Variants in SIGLEC10 observed in about 807,000 individuals in gnomAD.
SIGLEC10 encodes the protein sialic acid-binding Ig-like lectin 10.
Under a neutral mutation model 68.3 loss-of-function variants are expected in SIGLEC10, and 45 were observed. The ratio of observed to expected loss-of-function variants is 0.66; its 90% CI spans 0.52 to 0.84. The LOEUF (loss-of-function observed/expected upper bound fraction) is 0.84. SIGLEC10 is among the 40% of genes least tolerant of loss of function. The pLI is 0.00. For missense variants in SIGLEC10, 789 were observed against 883.1 expected, an observed-to-expected ratio of 0.89 and a Z score of 1.35; for synonymous variants, 379 against 370.8, an observed-to-expected ratio of 1.02 and a Z score of -0.26.
Position 51,410,990 on chromosome 19 carries a change from G to A in SIGLEC10, c.*109C>T, listed in dbSNP as rs1987944204. 5 of 1,218,000 alleles carry A rather than the reference G, an allele frequency of 4.1e-6. No individual in the cohort carries two copies. The highest frequency in any genetic ancestry group is 4.6e-6 in the Non-Finnish European group (4 of 876,570). The allele number at this position is 1,218,000 out of a possible 1,614,324, so 75.4% of individuals were successfully genotyped here. A position where few individuals can be genotyped will look rare whatever the true frequency, so the allele number is the denominator to read the frequency against. On this transcript the variant is annotated 3_prime_UTR_variant, in exon 11 of 11. Transcript: ENST00000339313. ...AGAGAGAGAAAGAGAGAGAGAGAGA[G>A]AAAGAGAGAGAGAGAGGGAGAGAAG...
Position 51,411,159 on chromosome 19 carries a change from C to T in SIGLEC10, c.2034G>A (p.Arg678=). 6.2e-7 allele frequency: 1 copy of T among 1,614,214 alleles called. No homozygotes were observed. ...TGCCCTTGGGCATCCGGGCCTCAGG[C>T]CTGGGTCTGACGCCTGGGAAGTTGA... The part of the protein sequence containing the change: ...ATLNFPGVRP[R]PEARMPKGTQ... The change falls in exon 11 of 11, where the codon AGG becomes AGA. Residue 678 remains arginine (R), a synonymous_variant. Coordinates refer to ENST00000339313, the MANE Select transcript of SIGLEC10 (RefSeq NM_033130.5).
chr19:51,414,673 T>G lies in SIGLEC10; in HGVS notation c.1615+151A>C. On this transcript the variant is annotated intron_variant, in intron 8 of 10. Transcript: ENST00000339313. This position sits in a 1 kb window ranked among gnomAD's most constrained non-coding sequence, Gnocchi z 4.1. ...AAACCCTGCCACACCCCGGCCCAGG[T>G]GTTAGGACTTCCCATTGTGTTTTCC... 1 of 1,396,442 alleles carries G rather than the reference T, an allele frequency of 7.2e-7. No individual in the cohort carries two copies. The highest frequency in any genetic ancestry group is 1.0e-6 in the Non-Finnish European group (1 of 996,026). The allele number at this position is 1,396,442 out of a possible 1,614,324, so 86.5% of individuals were successfully genotyped here.
Position 51,416,275 on chromosome 19 carries a change from A to G in SIGLEC10, c.754+35T>C, listed in dbSNP as rs201049036. ...CCCTGAAGCCTTTTCATCTAAAGACAACTGGCCCAGCCCCAGCCCGACGGC... is the reference window on the plus strand; with the variant it reads ...CCCTGAAGCCTTTTCATCTAAAGACGACTGGCCCAGCCCCAGCCCGACGGC... On this transcript the variant is annotated intron_variant, in intron 4 of 10. Transcript: ENST00000339313. The G allele has an allele frequency of 6.2e-4, 994 of 1,613,406 alleles. 1 individual carries two copies. The highest frequency in any genetic ancestry group is 6.3e-4 in the Non-Finnish European group (749 of 1,179,604).
chr19:51,414,433 C>T lies in SIGLEC10; in HGVS notation c.1698G>A (p.Leu566=). The T allele has an allele frequency of 6.2e-7, 1 of 1,613,776 alleles. No individual in the cohort carries two copies. The highest frequency in any genetic ancestry group is 8.5e-7 in the Non-Finnish European group (1 of 1,179,884). Residue 566 remains leucine (L), a synonymous_variant, in exon 9 of 11, where the codon CTG becomes CTA. Coordinates refer to ENST00000339313, the MANE Select transcript of SIGLEC10 (RefSeq NM_033130.5). The surrounding 1 kb of genome is among the most constrained non-coding windows in gnomAD (Gnocchi z 4.1). Reference sequence around the variant, plus strand: ...TCCTCTTAACCTACATGATCAGGGCCAGGCAGAGGAAAAGAAGAGCCGTGA... The same window carrying T: ...TCCTCTTAACCTACATGATCAGGGCTAGGCAGAGGAAAAGAAGAGCCGTGA... ...IGITALLFLC[L]ALIIMKILPK...
chr19:51,417,024 G>C lies in SIGLEC10; in HGVS notation c.421+58C>G, dbSNP rs878902825. On this transcript the variant is annotated intron_variant, in intron 2 of 10. Coordinates refer to ENST00000339313, the MANE Select transcript of SIGLEC10 (RefSeq NM_033130.5). ...AGAGCCCTCTCTGCTCAGCCCATAG[G>C]CTGTCCCCAGGGTCCCTCCCCAGTG... The C allele has an allele frequency of 2.8e-4, 454 of 1,596,658 alleles. No homozygotes were observed. In the African/African-American group the frequency reaches 4.5e-3, roughly 16 times the overall value.
At position 51,415,056 on chromosome 19, in the gene SIGLEC10, G is replaced by A. The variant is rs748555859; in HGVS notation, c.1383C>T (p.His461=). Residue 461 remains histidine, a synonymous_variant, in exon 8 of 11, where the codon CAC becomes CAT. Coordinates refer to ENST00000339313, the MANE Select transcript of SIGLEC10 (RefSeq NM_033130.5). ...GGCTGGCCTGGGAGGAGCAGCTGCA[G>A]TGCAGACCCTCAGCCTCCCAGGAGC... The part of the protein sequence containing the change: ...PSCSWEAEGL[H]CSCSSQASPA... 1 of 1,594,114 alleles carries A rather than the reference G, an allele frequency of 6.3e-7. No homozygotes were observed. The highest frequency in any genetic ancestry group is 2.2e-5 in the East Asian group (1 of 44,674).
In SIGLEC10 at chr19:51,414,652, C is replaced by G; in HGVS notation, c.1616-137G>C. 7.4e-7 allele frequency: 1 copy of G among 1,355,920 alleles called. No homozygotes were observed. The highest frequency in any genetic ancestry group is 1.0e-6 in the Non-Finnish European group (1 of 961,260). 84.0% of individuals were successfully genotyped at this position (1,355,920 alleles called of 1,614,324 possible). A position where few individuals can be genotyped will look rare whatever the true frequency, so the allele number is the denominator to read the frequency against. Reference sequence around the variant, plus strand: ...ACCCCTCTGTTTACTTTTAGGAAACCCTGCCACACCCCGGCCCAGGTGTTA... The same window carrying G: ...ACCCCTCTGTTTACTTTTAGGAAACGCTGCCACACCCCGGCCCAGGTGTTA... On this transcript the variant is annotated intron_variant, in intron 8 of 10. Transcript: ENST00000339313. This position sits in a 1 kb window ranked among gnomAD's most constrained non-coding sequence, Gnocchi z 4.1.
In SIGLEC10 at chr19:51,414,388, G is replaced by A. The variant is rs745458782; in HGVS notation, c.1709+34C>T. ...ACACCTCCCCTCTTCCTGGGTCCAG[G>A]CCCCAGACCCCGCCACGCCTCCTCT... is the stretch of plus-strand genomic sequence containing the variant. On this transcript the variant is annotated intron_variant, in intron 9 of 10. Coordinates refer to ENST00000339313, the MANE Select transcript of SIGLEC10 (RefSeq NM_033130.5). This position sits in a 1 kb window ranked among gnomAD's most constrained non-coding sequence, Gnocchi z 4.1. 6.3e-7 allele frequency: 1 copy of A among 1,584,540 alleles called. No homozygotes were observed. Among genetic ancestry groups the A allele is most frequent in the Non-Finnish European group, 8.6e-7 (1 of 1,158,648 alleles).
chr19:51,413,945 G>A, intron 9 of SIGLEC10, 122 bp from the exon 10 acceptor site: 1 of 715,896 alleles, frequency 1.4e-6, no homozygotes, highest in East Asian at 2.6e-5. Flanking sequence ...CCGTCATTAT[G>A]AGACTGAAAG....
chr19:51,412,272 G>A (rs1393568747), intron 10 of SIGLEC10, among the ~76,000 whole-genome samples: 1 of 152,100 alleles, frequency 6.6e-6, no homozygotes, highest in African/African-American at 2.4e-5. Context: ...GGGGTGGGGT[G>A]GGGGGTGTTG....
chr19:51,415,017 C>T lies in SIGLEC10; in HGVS notation c.1422G>A (p.Leu474=), dbSNP rs528345717. Residue 474 remains leucine (L), a synonymous_variant, in exon 8 of 11, where the codon CTG becomes CTA. Coordinates refer to ENST00000339313, the MANE Select transcript of SIGLEC10 (RefSeq NM_033130.5). ...CSSQASPAPS[L]RWWLGEELLE... ...GCAGCTCCTCCCCAAGCCACCAGCG[C>T]AGAGAGGGGGCCGGGCTGGCCTGGG... The T allele has an allele frequency of 9.4e-5, 152 of 1,611,060 alleles. No individual in the cohort carries two copies. Among genetic ancestry groups the T allele is most frequent in the Non-Finnish European group, 1.2e-4 (145 of 1,179,280 alleles).
intron 10 of SIGLEC10, 65 bp downstream of exon 10, chr19:51,413,647 A>G (rs954458270): frequency 8.0e-5 from 116 of 1,443,446 alleles, no homozygotes; most frequent in Non-Finnish European, 1.9e-6. Flanking sequence ...AGGGGTGCAA[A>G]AGTCAGAAAG....
chr19:51,417,464 C>T lies in SIGLEC10; in HGVS notation c.39G>A (p.Gly13=). 1 of 1,613,784 alleles carries T rather than the reference C, an allele frequency of 6.2e-7. No individual in the cohort carries two copies. The highest frequency in any genetic ancestry group is 2.2e-5 in the East Asian group (1 of 44,888). ...LPLLLSSLLG[G]SQAMDGRFWI... is the part of the protein sequence containing the mutation. ...AGAATCTCCCATCCATAGCCTGGGA[C>T]CCTGTGGGGAGACAGAGGCTCAACC... is the stretch of plus-strand genomic sequence containing the variant. The change falls in exon 2 of 11, where the codon GGG becomes GGA. Residue 13 remains glycine, a splice_region_variant and synonymous_variant. Transcript: ENST00000339313.
chr19:51,411,650 G>C (rs868419752), intron 10 of SIGLEC10, among the ~76,000 whole-genome samples: 10 of 152,158 alleles, frequency 6.6e-5, no homozygotes, highest in Admixed American at 5.2e-4. Context: ...TTTCAAGACC[G>C]GCCTGGCCAA....
rs199878624 is a variant in SIGLEC10, at chr19:51,415,228, C to T, written c.1283G>A (p.Arg428Gln). The change falls in exon 7 of 11, where the codon CGG (arginine) becomes CAG (glutamine). Residue 428 changes from arginine to glutamine, a missense_variant. By Grantham distance (43) the Arg-to-Gln change is conservative (BLOSUM62 1). Coordinates refer to ENST00000339313, the MANE Select transcript of SIGLEC10 (RefSeq NM_033130.5). ...EHEGEFTCHA[R>Q]HPLGSQHVSL... ...GACGTGCTGGGAGCCCAGTGGGTGCCGAGCGTGGCAGGTGAACTCTCCTTC... is the reference window on the plus strand; with the variant it reads ...GACGTGCTGGGAGCCCAGTGGGTGCTGAGCGTGGCAGGTGAACTCTCCTTC... The T allele has an allele frequency of 2.2e-5, 35 of 1,613,408 alleles. 1 individual carries two copies. The African/African-American group carries it at 2.7e-4, about 12-fold the overall frequency.
At position 51,410,974 on chromosome 19, in the gene SIGLEC10, A is replaced by AAGAGAGAGAAAGAGAGAGAAAG; in HGVS notation, c.*124_*125insCTTTCTCTCTCTTTCTCTCTCT. 1 of 1,030,074 alleles carries AAGAGAGAGAAAGAGAGAGAAAG rather than the reference A, an allele frequency of 9.7e-7. No homozygotes were observed. Among genetic ancestry groups the AAGAGAGAGAAAGAGAGAGAAAG allele is most frequent in the Non-Finnish European group, 1.4e-6 (1 of 719,866 alleles). The allele number at this position is 1,030,074 out of a possible 1,614,324, so 63.8% of individuals were successfully genotyped here. On this transcript the variant is annotated 3_prime_UTR_variant, in exon 11 of 11. Coordinates refer to ENST00000339313, the MANE Select transcript of SIGLEC10 (RefSeq NM_033130.5). ...CAGATGTTTTTTTAAAAGAGAGAGA[A>AAGAGAGAGAAAGAGAGAGAAAG]AGAGAGAGAGAGAGAGAAAGAGAGA...
At position 51,414,049 on chromosome 19, in the gene SIGLEC10, G is replaced by A. The variant is rs1434621269; in HGVS notation, c.1710-226C>T. Among the ~76,000 whole-genome samples, 1 of 152,206 alleles carries A rather than the reference G, an allele frequency of 6.6e-6. No homozygotes were observed. Among genetic ancestry groups the A allele is most frequent in the Non-Finnish European group, 1.5e-5 (1 of 68,028 alleles). On this transcript the variant is annotated intron_variant, in intron 9 of 10. Transcript: ENST00000339313. This position sits in a 1 kb window ranked among gnomAD's most constrained non-coding sequence, Gnocchi z 4.1. Reference sequence around the variant, plus strand: ...AGAAGAAGAGGGTTCCCTGCTACTAGTGAGCCAGGGCAGCTGTCTGAGCCT... The same window carrying A: ...AGAAGAAGAGGGTTCCCTGCTACTAATGAGCCAGGGCAGCTGTCTGAGCCT...
chr19:51,414,524 G>A lies in SIGLEC10; in HGVS notation c.1616-9C>T, dbSNP rs377507600. 5.7e-5 allele frequency: 92 copies of A among 1,612,368 alleles called. No homozygotes were observed. Among genetic ancestry groups the A allele is most frequent in the African/African-American group, 2.7e-4 (20 of 74,860 alleles). ...GATGAGTCCCTTCTTATCTGCACAC[G>A]GAGAGGGCAAGGTGAGCATTTCCCA... On this transcript the variant is annotated splice_polypyrimidine_tract_variant and intron_variant, in intron 8 of 10. Transcript: ENST00000339313. This position sits in a 1 kb window ranked among gnomAD's most constrained non-coding sequence, Gnocchi z 4.1.
intron 10 of SIGLEC10, among the ~76,000 whole-genome samples, chr19:51,412,154 T>C (rs1431942388): frequency 6.7e-6 from 1 of 149,264 alleles, no homozygotes; most frequent in Non-Finnish European, 1.5e-5. Flanking sequence ...AAAAATAAAA[T>C]AAAATAAAAA....
Sources: allele counts gnomAD v4.1 joint callset (sites outside exome capture counted in the v4.1 genomes callset), GRCh38; gene constraint gnomAD v4.1.1; non-coding constraint Gnocchi (gnomAD v3.1); transcripts MANE v1.5; gene names NCBI Gene and HGNC (gene_info 2026-07-23, HGNC 2026-07-21).